Variants in VWA3B observed in about 807,000 individuals in gnomAD.
VWA3B encodes von Willebrand factor A domain containing 3B, also known as von Willebrand factor A domain-containing protein 3B.
A neutral mutation model predicts 158.3 loss-of-function variants in VWA3B; 138 were observed. The observed-to-expected ratio is 0.87, with a 90% CI of 0.76 to 1.00. VWA3B has a LOEUF of 1.00. Among genes scored for constraint, VWA3B ranks in the 50% least tolerant of loss-of-function variants. The pLI is 0.00. For missense variants in VWA3B, 1,555 were observed against 1,565.1 expected, an observed-to-expected ratio of 0.99 and a Z score of 0.11; for synonymous variants, 596 against 587.3, an observed-to-expected ratio of 1.01 and a Z score of -0.21.
intron 7 of VWA3B, among the ~76,000 whole-genome samples, chr2:98,140,945 C>T (rs893676013): frequency 5.3e-5 from 8 of 152,198 alleles, no homozygotes; most frequent in African/African-American, 1.4e-4. Context: ...AGTCTTGTGG[C>T]ATGTGCCCCA....
At chr2:98,223,888 G>A (rs943477086) in intron 14 of VWA3B, among the ~76,000 whole-genome samples, 6 of 151,980 alleles carry the variant, frequency 3.9e-5, no homozygotes, top group African/African-American at 1.5e-4. Context: ...GTGCCACCAT[G>A]CGTGGCTAAT....
chr2:98,245,637 C>T (rs1256239513), intron 19 of VWA3B: 1 of 456,248 alleles, frequency 2.2e-6, no homozygotes, highest in South Asian at 1.6e-5. Flanking sequence ...TTCTTAAATA[C>T]ATTAAGTCAG....
intron 16 of VWA3B, 118 bp downstream of exon 16, chr2:98,230,325 T>C: frequency 9.8e-7 from 1 of 1,023,810 alleles, no homozygotes. Flanking sequence ...GTTTTTTAAA[T>C]TAAAATTTTT....
intron 7 of VWA3B, among the ~76,000 whole-genome samples, chr2:98,147,181 C>T (rs1677233832): frequency 6.6e-6 from 1 of 152,074 alleles, no homozygotes; most frequent in Non-Finnish European, 1.5e-5. Flanking sequence ...TCAGATATCT[C>T]CTGATGTAAT....
intron 18 of VWA3B, 36 bp downstream of exon 18, chr2:98,236,513 T>C: frequency 1.2e-6 from 2 of 1,613,944 alleles, no homozygotes; most frequent in Non-Finnish European, 1.7e-6. Context: ...AGTTCTGTTA[T>C]GCTTCTGTTG....
chr2:98,215,238 C>G (rs887403915), intron 13 of VWA3B, among the ~76,000 whole-genome samples: 24 of 151,848 alleles, frequency 1.6e-4, no homozygotes, highest in African/African-American at 1.5e-4. Context: ...GTCAGGAGAT[C>G]AAGACCATCC....
At chr2:98,245,515 G>A (rs1460339206) in intron 19 of VWA3B, 1 of 456,150 alleles carries the variant, frequency 2.2e-6, no homozygotes, top group East Asian at 7.0e-5. Context: ...ACGGAGAGTG[G>A]GTGCACACAA....
At position 98,290,492 on chromosome 2, in the gene VWA3B, T is replaced by C. The variant is rs62155282; in HGVS notation, c.3046-19T>C. Reference sequence around the variant, plus strand: ...CATTCACTTTTTCTCATCAATTATTTCTGCTTTGTCTTTTTCAGCAACAGA... The same window carrying C: ...CATTCACTTTTTCTCATCAATTATTCCTGCTTTGTCTTTTTCAGCAACAGA... On this transcript the variant is annotated intron_variant, in intron 22 of 27. Coordinates refer to ENST00000477737, the MANE Select transcript of VWA3B (RefSeq NM_144992.5). 86,894 of 1,537,426 alleles carry C rather than the reference T, an allele frequency of 0.057. 2,997 individuals carry two copies. The highest frequency in any genetic ancestry group is 0.067 in the Non-Finnish European group (76,121 of 1,138,456).
intron 9 of VWA3B, among the ~76,000 whole-genome samples, chr2:98,182,683 G>A (rs1370714088): frequency 6.6e-6 from 1 of 152,192 alleles, no homozygotes; most frequent in Non-Finnish European, 1.5e-5. Context: ...ACTTTGGGAG[G>A]CCAAGGCGGG....
intron 22 of VWA3B, among the ~76,000 whole-genome samples, chr2:98,279,292 CTG>C (rs2105913366): frequency 6.6e-6 from 1 of 152,180 alleles, no homozygotes; most frequent in East Asian, 1.9e-4. Flanking sequence ...GGTGTCAACT[CTG>C]GGGATCCCTG....
chr2:98,293,452 C>T (rs1347882415), intron 23 of VWA3B, among the ~76,000 whole-genome samples: 2 of 152,158 alleles, frequency 1.3e-5, no homozygotes, highest in Non-Finnish European at 2.9e-5. Context: ...TTCCCAGTCA[C>T]CTGATCTTTT....
chr2:98,216,982 A>ACCCCCCCCCCCC (rs139373261), intron 13 of VWA3B: 10 of 1,237,126 alleles, frequency 8.1e-6, no homozygotes, highest in East Asian at 5.8e-5. Context: ...CATTGTAAGC[A>ACCCCCCCCCCCC]CCCGCCCCGC....
At chr2:98,133,684 G>A in intron 6 of VWA3B, 140 bp from the exon 7 acceptor site, 1 of 688,160 alleles carries the variant, frequency 1.5e-6, no homozygotes, top group Non-Finnish European at 2.6e-6. Flanking sequence ...TTGACAAGGT[G>A]CAGGAAGAAG....
intron 19 of VWA3B, among the ~76,000 whole-genome samples, chr2:98,249,619 C>G (rs1001592960): frequency 1.3e-5 from 2 of 152,044 alleles, no homozygotes; most frequent in Non-Finnish European, 2.9e-5. Flanking sequence ...CTTTTCCCCC[C>G]GGAGCTGCTT....
In VWA3B at chr2:98,093,233, C is replaced by T. The variant is rs1682477109; in HGVS notation, c.141C>T (p.Ser47=). 5.0e-6 allele frequency: 8 copies of T among 1,613,982 alleles called. No homozygotes were observed. Among genetic ancestry groups the T allele is most frequent in the African/African-American group, 2.7e-5 (2 of 74,902 alleles). ...EKWLQLHGLK[S]NKLTLKQILS... The stretch of plus-strand genomic sequence containing the variant: ...GGCTTCAACTGCATGGGCTTAAGAG[C>T]AACAAATTGACCTTGAAACAGATTT... The change falls in exon 2 of 28, where the codon AGC becomes AGT. Residue 47 remains serine, a synonymous_variant. Transcript: ENST00000477737.
chr2:98,264,115 T>C (rs899505191), intron 21 of VWA3B, among the ~76,000 whole-genome samples: 1 of 152,104 alleles, frequency 6.6e-6, no homozygotes. Flanking sequence ...GTTATTTGAG[T>C]CTTCTCTCTT....
chr2:98,266,036 C>A (rs1687804046), intron 21 of VWA3B, among the ~76,000 whole-genome samples: 1 of 148,438 alleles, frequency 6.7e-6, no homozygotes, highest in African/African-American at 2.5e-5. Context: ...TGTGCAGAAG[C>A]TCTTTAGTTT....
intron 21 of VWA3B, among the ~76,000 whole-genome samples, chr2:98,258,622 C>T (rs774554987): frequency 2.6e-5 from 4 of 151,642 alleles, no homozygotes; most frequent in Non-Finnish European, 5.9e-5. Flanking sequence ...GTTTTCTTAA[C>T]TTCATTTTCA....
intron 6 of VWA3B, 85 bp from the exon 7 acceptor site, chr2:98,133,739 G>C (rs1436517365): frequency 8.7e-7 from 1 of 1,153,196 alleles, no homozygotes; most frequent in Non-Finnish European, 1.3e-6. Flanking sequence ...TGCTGCCGAA[G>C]AGCACGTTCA....
Sources: allele counts gnomAD v4.1 joint callset (sites outside exome capture counted in the v4.1 genomes callset), GRCh38; gene constraint gnomAD v4.1.1; transcripts MANE v1.5; gene names NCBI Gene and HGNC (gene_info 2026-07-23, HGNC 2026-07-21).